Variants in TCF12 observed in about 807,000 individuals in gnomAD.
TCF12 encodes the protein transcription factor 12.
A neutral mutation model predicts 86.0 loss-of-function variants in TCF12; 45 were observed. The observed-to-expected ratio is 0.52, with a 90% CI of 0.41 to 0.67. The LOEUF is 0.67. Ranked by LOEUF, TCF12 falls within the 30% of genes least tolerant of loss-of-function variation. The pLI, the probability that TCF12 is intolerant of heterozygous loss-of-function variation, is 0.00. For missense variants in TCF12, 881 were observed against 859.9 expected, an observed-to-expected ratio of 1.02 and a Z score of -0.31; for synonymous variants, 330 against 299.6, an observed-to-expected ratio of 1.10 and a Z score of -1.05.
chr15:57,096,696 G>A (rs1266580022), intron 5 of TCF12, among the ~76,000 whole-genome samples: 1 of 151,954 alleles, frequency 6.6e-6, no homozygotes, highest in Non-Finnish European at 1.5e-5. Context: ...GTATACATTC[G>A]GCACAGATGC....
intron 6 of TCF12, among the ~76,000 whole-genome samples, chr15:57,175,179 T>C (rs2055819008): frequency 6.6e-6 from 1 of 152,074 alleles, no homozygotes; most frequent in Non-Finnish European, 1.5e-5. Flanking sequence ...TTCCCATCTC[T>C]ACAAAAAAAT....
intron 8 of TCF12, among the ~76,000 whole-genome samples, chr15:57,199,713 G>A (rs1198080557): frequency 6.6e-6 from 1 of 152,112 alleles, no homozygotes; most frequent in Admixed American, 6.5e-5. Context: ...TGATTTCTTT[G>A]AGAACCATTA....
intron 8 of TCF12, among the ~76,000 whole-genome samples, chr15:57,218,723 A>G (rs1566932598): frequency 6.6e-6 from 1 of 152,222 alleles, no homozygotes; most frequent in Non-Finnish European, 1.5e-5. Context: ...GAAGAATTCA[A>G]GGAGCTTTAT....
chr15:57,157,938 T>G (rs2054229791), intron 5 of TCF12, among the ~76,000 whole-genome samples: 1 of 152,088 alleles, frequency 6.6e-6, no homozygotes, highest in African/African-American at 2.4e-5. Context: ...CATTTAGAAT[T>G]TTTTACTACC....
chr15:57,223,911 G>A (rs1245009630), intron 8 of TCF12, among the ~76,000 whole-genome samples: 1 of 151,570 alleles, frequency 6.6e-6, no homozygotes, highest in East Asian at 1.9e-4. Flanking sequence ...TTTTATAATA[G>A]GGAAAACATG....
chr15:57,267,863 T>C (rs1218719231), intron 18 of TCF12, among the ~76,000 whole-genome samples: 3 of 152,208 alleles, frequency 2.0e-5, no homozygotes, highest in African/African-American at 7.2e-5. Context: ...GTCTTTGAGC[T>C]CAGTTTCTTC....
rs1486689078 is a variant in TCF12, at chr15:56,952,098, T to C, written c.148+31000T>C. 2.0e-5 allele frequency among the ~76,000 whole-genome samples: 3 copies of C among 152,188 alleles called. 1 individual carries two copies. The highest frequency in any genetic ancestry group is 7.2e-5 in the African/African-American group (3 of 41,450). On this transcript the variant is annotated intron_variant, in intron 3 of 20. Transcript: ENST00000333725. ...GTTCCAACACCATTTGTTGAATAGA[T>C]TCCATAAATTACTCTTTCTCAAGTG...
chr15:57,223,715 A>G (rs1294547233), intron 8 of TCF12, among the ~76,000 whole-genome samples: 3 of 132,678 alleles, frequency 2.3e-5, no homozygotes, highest in Non-Finnish European at 3.1e-5. Context: ...GTAAATACTT[A>G]TAAGACTTAT....
chr15:57,208,508 G>A lies in TCF12; in HGVS notation c.579+10683G>A, dbSNP rs191757376. ...AGTGATCCTCACACCTCAGCCTCCC[G>A]AGTAGCTGGAACTACAGGCAAGTGC... On this transcript the variant is annotated intron_variant, in intron 8 of 20. Transcript: ENST00000333725. Among the ~76,000 whole-genome samples, 524 of 142,626 alleles carry A rather than the reference G, an allele frequency of 3.7e-3. 12 individuals are homozygous for A. The highest frequency in any genetic ancestry group is 0.032 in the Admixed American group (433 of 13,538). 93.6% of individuals were successfully genotyped at this position (142,626 alleles called of 152,430 possible).
chr15:56,918,105 G>A, upstream of TCF12: 1 of 427,482 alleles, frequency 2.3e-6, no homozygotes, highest in Admixed American at 2.6e-5. Context: ...GGCCGAGGAG[G>A]ATGGGTCTCC....
intron 5 of TCF12, among the ~76,000 whole-genome samples, chr15:57,124,159 A>C (rs1253785930): frequency 6.6e-6 from 1 of 151,870 alleles, no homozygotes; most frequent in Non-Finnish European, 1.5e-5. Flanking sequence ...TCAGAATCTA[A>C]AGCAGGAAGT....
intron 8 of TCF12, among the ~76,000 whole-genome samples, chr15:57,217,952 C>T (rs2058399548): frequency 6.6e-6 from 1 of 152,128 alleles, no homozygotes. Context: ...GTCTGCTGTA[C>T]AGCGATGTTC....
At chr15:56,937,268 A>T (rs1301257025) in intron 3 of TCF12, among the ~76,000 whole-genome samples, 2 of 151,894 alleles carry the variant, frequency 1.3e-5, no homozygotes, top group Admixed American at 6.6e-5. Flanking sequence ...TTTGATTATC[A>T]GTTTGGTCGC....
In TCF12 at chr15:57,288,352, T is replaced by C. The variant is rs1258659805; in HGVS notation, c.*2207T>C. The C allele has an allele frequency of 6.6e-6, 1 of 152,644 alleles. No homozygotes were observed. Among genetic ancestry groups the C allele is most frequent in the Non-Finnish European group, 1.5e-5 (1 of 68,036 alleles). The allele number at this position is 152,644 out of a possible 1,614,324, so 9.5% of individuals were successfully genotyped here. On this transcript the variant is annotated 3_prime_UTR_variant, in exon 21 of 21. Coordinates refer to ENST00000333725, the MANE Select transcript of TCF12 (RefSeq NM_207037.2). Reference sequence around the variant, plus strand: ...CTTGTTCTCCAGTTTCCATTGTTGGTTTATTGCAGATTTGTATCCTGTGTC... The same window carrying C: ...CTTGTTCTCCAGTTTCCATTGTTGGCTTATTGCAGATTTGTATCCTGTGTC...
At chr15:57,055,379 T>G (rs1483913686) in intron 3 of TCF12, among the ~76,000 whole-genome samples, 1 of 152,148 alleles carries the variant, frequency 6.6e-6, no homozygotes, top group East Asian at 1.9e-4. Context: ...CTGGCCTGGG[T>G]GACGAGCAAA....
intron 3 of TCF12, among the ~76,000 whole-genome samples, chr15:57,009,429 A>G (rs141774828): frequency 3.2e-4 from 49 of 152,260 alleles, no homozygotes; most frequent in African/African-American, 1.1e-3. Flanking sequence ...CTGTTTTTAT[A>G]TGGATGAACT....
intron 4 of TCF12, among the ~76,000 whole-genome samples, chr15:57,088,496 G>GTTTTTTTT (rs5812864): frequency 6.8e-6 from 1 of 146,706 alleles, no homozygotes. Context: ...AATTGCTTTA[G>GTTTTTTTT]TTTTTTTTTT....
chr15:57,017,825 C>T lies in TCF12; in HGVS notation c.149-45925C>T, dbSNP rs531490291. Among the ~76,000 whole-genome samples the T allele has an allele frequency of 8.7e-5, 13 of 149,070 alleles. No individual in the cohort carries two copies. In the South Asian group the frequency reaches 2.3e-3, roughly 27 times the overall value. On this transcript the variant is annotated intron_variant, in intron 3 of 20. Transcript: ENST00000333725. Reference sequence around the variant, plus strand: ...CTGGTGACTCTGGTATGTGGCCTTACATACTTGTTCTTTAAATATACATGT... The same window carrying T: ...CTGGTGACTCTGGTATGTGGCCTTATATACTTGTTCTTTAAATATACATGT...
chr15:57,027,794 A>C (rs2065908045), intron 3 of TCF12, among the ~76,000 whole-genome samples: 1 of 152,136 alleles, frequency 6.6e-6, no homozygotes, highest in African/African-American at 2.4e-5. Flanking sequence ...TACTGTTCTC[A>C]TGATAGTAAA....
Sources: allele counts gnomAD v4.1 joint callset (sites outside exome capture counted in the v4.1 genomes callset), GRCh38; gene constraint gnomAD v4.1.1; transcripts MANE v1.5; gene names NCBI Gene and HGNC (gene_info 2026-07-23, HGNC 2026-07-21).